Variants in SHROOM3 observed in about 807,000 individuals in gnomAD.
SHROOM3 encodes the protein protein Shroom3.
SHROOM3 carries 47 observed loss-of-function variants against 138.6 expected under a neutral mutation model. The ratio of observed to expected loss-of-function variants is 0.34; its 90% CI spans 0.27 to 0.43. The LOEUF (loss-of-function observed/expected upper bound fraction) is 0.43, where lower values mean the gene tolerates loss of function less well. Among genes scored for constraint, SHROOM3 ranks in the 20% least tolerant of loss-of-function variants. The pLI, the probability that SHROOM3 is intolerant of heterozygous loss-of-function variation, is 1.00. For missense variants in SHROOM3, 2,491 were observed against 2,596.5 expected, an observed-to-expected ratio of 0.96 and a Z score of 0.88; for synonymous variants, 1,062 against 1,063.3, an observed-to-expected ratio of 1.00 and a Z score of 0.02.
chr4:76,640,265 A>G (rs1261170856), intron 2 of SHROOM3, among the ~76,000 whole-genome samples: 6 of 152,186 alleles, frequency 3.9e-5, no homozygotes, highest in Non-Finnish European at 8.8e-5. Flanking sequence ...ATCTTTAAGC[A>G]TAAAGATCGC....
At chr4:76,748,366 T>A (rs1018127580) in intron 5 of SHROOM3, among the ~76,000 whole-genome samples, 2 of 152,146 alleles carry the variant, frequency 1.3e-5, no homozygotes, top group African/African-American at 4.8e-5. Flanking sequence ...CATCATCATC[T>A]TCATCATGGA....
In SHROOM3 at chr4:76,435,871, G is replaced by T; in HGVS notation, c.-182G>T. 1.7e-6 allele frequency: 1 copy of T among 571,986 alleles called. No individual in the cohort carries two copies. The highest frequency in any genetic ancestry group is 3.0e-6 in the Non-Finnish European group (1 of 332,876). The allele number at this position is 571,986 out of a possible 1,614,324, so 35.4% of individuals were successfully genotyped here. On this transcript the variant is annotated 5_prime_UTR_variant, in exon 1 of 11. Transcript: ENST00000296043. Reference sequence around the variant, plus strand: ...AAATGTTGAAGTGAAAATTCCTTCTGGTTCAGCATCTTGGAGTTCAGCTTG... The same window carrying T: ...AAATGTTGAAGTGAAAATTCCTTCTTGTTCAGCATCTTGGAGTTCAGCTTG...
intron 1 of SHROOM3, among the ~76,000 whole-genome samples, chr4:76,437,933 C>T (rs1364759282): frequency 6.6e-6 from 1 of 152,152 alleles, no homozygotes; most frequent in African/African-American, 2.4e-5. Context: ...CTAATCCTCC[C>T]ACTAATGAGC....
At chr4:76,509,418 G>T (rs1732285250) in intron 1 of SHROOM3, 1 of 152,252 alleles carries the variant, frequency 6.6e-6, no homozygotes, top group African/African-American at 2.4e-5. Context: ...TTGTGAGGAT[G>T]AAAGAGCAGG....
intron 1 of SHROOM3, among the ~76,000 whole-genome samples, chr4:76,493,747 A>T (rs535477180): frequency 6.6e-6 from 1 of 152,182 alleles, no homozygotes; most frequent in South Asian, 2.1e-4. Flanking sequence ...TTGGGAGGCC[A>T]AGGTGGGCGG....
chr4:76,672,394 T>TA (rs1298158242), intron 2 of SHROOM3, among the ~76,000 whole-genome samples: 1 of 146,720 alleles, frequency 6.8e-6, no homozygotes, highest in African/African-American at 2.6e-5. Flanking sequence ...TACTGGAACT[T>TA]ACTCTGTTAC....
At chr4:76,561,707 AG>A (rs1258487046) in intron 2 of SHROOM3, among the ~76,000 whole-genome samples, 5 of 145,284 alleles carry the variant, frequency 3.4e-5, no homozygotes, top group African/African-American at 7.5e-5. Context: ...AAAAAAAAAA[AG>A]AGAGAGAGAC....
rs1722766379 is a variant in SHROOM3, at chr4:76,782,769, A to C, written c.*3592A>C. 6.6e-6 allele frequency: 1 copy of C among 152,224 alleles called. No homozygotes were observed. The highest frequency in any genetic ancestry group is 1.5e-5 in the Non-Finnish European group (1 of 68,044). The allele number at this position is 152,224 out of a possible 1,614,324, so 9.4% of individuals were successfully genotyped here. A position where few individuals can be genotyped will look rare whatever the true frequency, so the allele number is the denominator to read the frequency against. On this transcript the variant is annotated 3_prime_UTR_variant, in exon 11 of 11. Transcript: ENST00000296043. ...TCCTACAAGGTATAAAAAGTGGTCA[A>C]GTGAATGTGAAGGGGCTTTTCTACA...
At chr4:76,722,123 G>A (rs997812514) in intron 3 of SHROOM3, among the ~76,000 whole-genome samples, 2 of 152,006 alleles carry the variant, frequency 1.3e-5, no homozygotes, top group African/African-American at 4.8e-5. Flanking sequence ...GACAGAGTGA[G>A]ACCCTGCCTC....
At chr4:76,714,786 C>G (rs1483826841) in intron 3 of SHROOM3, among the ~76,000 whole-genome samples, 1 of 152,118 alleles carries the variant, frequency 6.6e-6, no homozygotes, top group Non-Finnish European at 1.5e-5. Context: ...GCCTATTTCT[C>G]TCCTCTACTT....
intron 2 of SHROOM3, among the ~76,000 whole-genome samples, chr4:76,606,631 A>T (rs2110058158): frequency 6.6e-6 from 1 of 152,198 alleles, no homozygotes; most frequent in South Asian, 2.1e-4. Flanking sequence ...TGAACCCTGG[A>T]GGCAGAGGTT....
At chr4:76,615,154 A>G (rs868207441) in intron 2 of SHROOM3, among the ~76,000 whole-genome samples, 2 of 152,212 alleles carry the variant, frequency 1.3e-5, no homozygotes, top group African/African-American at 2.4e-5. Context: ...ACATTTGAAG[A>G]CACGCCTAAA....
rs780332936 is a variant in SHROOM3 at position 76,555,637 on chromosome 4, T to G, written c.197T>G (p.Leu66Arg). ...GAAGAAGGGGGCAAAGCAGACACCC[T>G]GAGCTCCAAACTGCAGGCTGGGGAT... Reference protein sequence around the residue: ...KVEEGGKADTLSSKLQAGDEV... With the variant: ...KVEEGGKADTRSSKLQAGDEV... The change falls in exon 2 of 11, where the codon CTG becomes CGG. Residue 66 changes from leucine to arginine, a missense_variant. Transcript: ENST00000296043. 4 of 1,613,944 alleles carry G rather than the reference T, an allele frequency of 2.5e-6. No individual in the cohort carries two copies. Among genetic ancestry groups the G allele is most frequent in the South Asian group, 1.1e-5 (1 of 91,062 alleles).
intron 2 of SHROOM3, among the ~76,000 whole-genome samples, chr4:76,561,178 G>A (rs73828104): frequency 1.3e-5 from 2 of 152,060 alleles, no homozygotes; most frequent in East Asian, 1.9e-4. Flanking sequence ...ACCTCTGCAA[G>A]TTTGATGTAA....
intron 2 of SHROOM3, among the ~76,000 whole-genome samples, chr4:76,610,831 T>C (rs1055928354): frequency 1.3e-5 from 2 of 152,198 alleles, no homozygotes; most frequent in African/African-American, 4.8e-5. Context: ...GGATTTCGTG[T>C]GCAGGTTCTC....
intron 2 of SHROOM3, among the ~76,000 whole-genome samples, chr4:76,589,549 A>G (rs1425683114): frequency 6.6e-6 from 1 of 152,162 alleles, no homozygotes; most frequent in Non-Finnish European, 1.5e-5. Context: ...GCCTGGCTTT[A>G]AAGCAAAAAC....
chr4:76,455,221 T>C (rs1731004731), intron 1 of SHROOM3, among the ~76,000 whole-genome samples: 1 of 152,140 alleles, frequency 6.6e-6, no homozygotes, highest in African/African-American at 2.4e-5. Flanking sequence ...TTATTCCTGA[T>C]TTCAGAGGAA....
chr4:76,726,639 G>A (rs1720714779), intron 3 of SHROOM3, among the ~76,000 whole-genome samples: 1 of 151,474 alleles, frequency 6.6e-6, no homozygotes, highest in Non-Finnish European at 1.5e-5. Flanking sequence ...AAACTCCTGG[G>A]TTCAAGTGAT....
intron 1 of SHROOM3, among the ~76,000 whole-genome samples, chr4:76,466,822 G>A (rs1321049472): frequency 2.6e-5 from 4 of 151,966 alleles, no homozygotes; most frequent in Non-Finnish European, 5.9e-5. Flanking sequence ...TTACATTTTA[G>A]CAAAAATAAA....
Sources: gnomAD v4.1 joint callset for allele counts (sites outside exome capture counted in the v4.1 genomes callset) on GRCh38, gnomAD v4.1.1 for gene constraint, MANE v1.5 for transcripts, NCBI Gene and HGNC (gene_info 2026-07-23, HGNC 2026-07-21) for gene names.